CFAP299: variants seen among roughly 807,000 people sequenced by gnomAD.
The protein encoded by CFAP299 is cilia- and flagella-associated protein 299.
Under a neutral mutation model 27.0 loss-of-function variants are expected in CFAP299, and 21 were observed. The observed-to-expected ratio is 0.78, with a 90% CI of 0.55 to 1.12. The LOEUF (loss-of-function observed/expected upper bound fraction) is 1.12. Among genes scored for constraint, CFAP299 ranks in the 50% most tolerant of loss-of-function variants. The probability of loss-of-function intolerance (pLI) is 0.00; values close to 1 mark genes in which losing one functional copy is unlikely to be tolerated. For missense variants in CFAP299, 310 were observed against 276.6 expected (o/e 1.12, Z -0.86); for synonymous variants, 104 against 98.1 (o/e 1.06, Z -0.36).
intron 2 of CFAP299, among the ~76,000 whole-genome samples, chr4:80,418,628 A>G (rs1419433697): frequency 3.3e-5 from 5 of 152,192 alleles, no homozygotes; most frequent in Admixed American, 2.6e-4. Flanking sequence ...TCCTTTGACT[A>G]TCATTTTTCC....
At chr4:80,865,023 A>G (rs570485855) in intron 3 of CFAP299, among the ~76,000 whole-genome samples, 1 of 152,274 alleles carries the variant, frequency 6.6e-6, no homozygotes, top group East Asian at 1.9e-4. Flanking sequence ...AAGAACCTGA[A>G]TATCATGGGA....
intron 4 of CFAP299, among the ~76,000 whole-genome samples, chr4:80,919,516 C>T (rs1735934678): frequency 6.6e-6 from 1 of 152,126 alleles, no homozygotes; most frequent in Non-Finnish European, 1.5e-5. Flanking sequence ...ATGAGATCCT[C>T]AGGTAAAGTT....
chr4:80,425,797 T>C (rs1206637690), intron 2 of CFAP299, among the ~76,000 whole-genome samples: 1 of 152,210 alleles, frequency 6.6e-6, no homozygotes, highest in Non-Finnish European at 1.5e-5. Flanking sequence ...AAAAGGGTGG[T>C]GTTGCCAATT....
intron 3 of CFAP299, among the ~76,000 whole-genome samples, chr4:80,585,590 A>G (rs1578635557): frequency 1.3e-5 from 2 of 152,164 alleles, no homozygotes; most frequent in Admixed American, 6.6e-5. Flanking sequence ...TCTAAGGGCT[A>G]TGTTGCTGTG....
chr4:80,441,834 T>C (rs1176675219), intron 2 of CFAP299, among the ~76,000 whole-genome samples: 1 of 152,150 alleles, frequency 6.6e-6, no homozygotes, highest in Non-Finnish European at 1.5e-5. Context: ...AAAACACACA[T>C]AGGCTTAAAA....
intron 2 of CFAP299, among the ~76,000 whole-genome samples, chr4:80,493,768 T>C (rs1156325695): frequency 8.3e-6 from 1 of 121,064 alleles, no homozygotes; most frequent in East Asian, 2.4e-4. Flanking sequence ...TCTTTTTTTT[T>C]TTTTTTTTTT....
chr4:80,933,447 G>A (rs1266938725), intron 4 of CFAP299, among the ~76,000 whole-genome samples: 3 of 152,188 alleles, frequency 2.0e-5, no homozygotes, highest in South Asian at 2.1e-4. Context: ...CAACAGGTCC[G>A]TGCACGGTGT....
intron 3 of CFAP299, among the ~76,000 whole-genome samples, chr4:80,743,476 G>A (rs1377211091): frequency 6.6e-6 from 1 of 152,052 alleles, no homozygotes; most frequent in African/African-American, 2.4e-5. Flanking sequence ...AATATATGTG[G>A]ATAAATGACT....
At chr4:80,670,731 G>T (rs1173278531) in intron 3 of CFAP299, among the ~76,000 whole-genome samples, 1 of 152,152 alleles carries the variant, frequency 6.6e-6, no homozygotes. Context: ...GCATTTCTCT[G>T]ATGACCAGTG....
At chr4:80,878,622 GT>G (rs916914807) in intron 4 of CFAP299, among the ~76,000 whole-genome samples, 5 of 151,824 alleles carry the variant, frequency 3.3e-5, no homozygotes, top group African/African-American at 9.7e-5. Flanking sequence ...TTGTTTTTCT[GT>G]TTTTTTCTTT....
At chr4:80,353,008 C>G (rs187510341) in intron 1 of CFAP299, among the ~76,000 whole-genome samples, 1 of 151,988 alleles carries the variant, frequency 6.6e-6, no homozygotes. Flanking sequence ...CCTTAAGAAG[C>G]TTTAAAACAA....
At chr4:80,327,480 C>T in the CFAP299 span, among the ~76,000 whole-genome samples, 15 of 151,446 alleles carry the variant, frequency 9.9e-5, no homozygotes, top group South Asian at 4.2e-4. Flanking sequence ...GAGAGTGACA[C>T]GATCTGATAT....
chr4:80,924,538 G>GTGTATGTATA lies in CFAP299; in HGVS notation c.477-20271_477-20270insGTATGTATAT, dbSNP rs5859742. On this transcript the variant is annotated intron_variant, in intron 4 of 5. Coordinates refer to ENST00000358105, the MANE Select transcript of CFAP299 (RefSeq NM_152770.3). ...TATGTGTGTGTGTGTGTGTGTGTGTGTATATATATATATATATATATATAT... is the reference window on the plus strand; with the variant it reads ...TATGTGTGTGTGTGTGTGTGTGTGTGTGTATGTATATATATATATATATATATATATATAT... Among the ~76,000 whole-genome samples the GTGTATGTATA allele has an allele frequency of 3.5e-3, 456 of 131,666 alleles. 1 individual carries two copies. Among genetic ancestry groups the GTGTATGTATA allele is most frequent in the Middle Eastern group, 7.8e-3 (2 of 258 alleles). 86.4% of individuals were successfully genotyped at this position (131,666 alleles called of 152,430 possible). A position where few individuals can be genotyped will look rare whatever the true frequency, so the allele number is the denominator to read the frequency against.
intron 3 of CFAP299, among the ~76,000 whole-genome samples, chr4:80,587,811 T>G (rs1736525359): frequency 6.6e-6 from 1 of 152,156 alleles, no homozygotes; most frequent in Non-Finnish European, 1.5e-5. Flanking sequence ...AGGCTAGTCT[T>G]GAACACCTGG....
At chr4:80,888,998 A>T (rs967537289) in intron 4 of CFAP299, among the ~76,000 whole-genome samples, 1 of 142,346 alleles carries the variant, frequency 7.0e-6, no homozygotes, top group Non-Finnish European at 1.5e-5. Flanking sequence ...GTTTATACCT[A>T]TAAGTGCCTA....
At chr4:80,849,421 C>A (rs560843069) in intron 3 of CFAP299, among the ~76,000 whole-genome samples, 1 of 151,944 alleles carries the variant, frequency 6.6e-6, no homozygotes, top group Admixed American at 6.6e-5. Context: ...ATTCCCAAGA[C>A]GATGGTAAAA....
At chr4:80,376,385 G>T (rs746359241) in intron 2 of CFAP299, among the ~76,000 whole-genome samples, 6 of 151,990 alleles carry the variant, frequency 3.9e-5, no homozygotes, top group Non-Finnish European at 7.4e-5. Context: ...ATTTTAAAAA[G>T]ATCTTTTTAA....
chr4:80,371,222 C>T (rs1367902371), intron 2 of CFAP299, among the ~76,000 whole-genome samples: 4 of 152,204 alleles, frequency 2.6e-5, no homozygotes, highest in Non-Finnish European at 4.4e-5. Context: ...GACTGGTGTC[C>T]TGAAACTGCA....
intron 2 of CFAP299, among the ~76,000 whole-genome samples, chr4:80,560,253 T>G (rs974571618): frequency 5.9e-5 from 9 of 152,022 alleles, no homozygotes; most frequent in African/African-American, 2.2e-4. Flanking sequence ...TACCCAGTCC[T>G]GGAAGCATTT....
Sources: gnomAD v4.1 joint callset for allele counts (sites outside exome capture counted in the v4.1 genomes callset) on GRCh38, gnomAD v4.1.1 for gene constraint, MANE v1.5 for transcripts, NCBI Gene and HGNC (gene_info 2026-07-23, HGNC 2026-07-21) for gene names.